Variants in L3MBTL3 observed in about 807,000 individuals in gnomAD.
L3MBTL3 encodes L3MBTL histone methyl-lysine binding protein 3.
L3MBTL3 carries 27 observed loss-of-function variants against 102.3 expected under a neutral mutation model. That is an observed-to-expected ratio of 0.26 (90% CI 0.19 to 0.36). The LOEUF (loss-of-function observed/expected upper bound fraction) is 0.36. Ranked by LOEUF, L3MBTL3 falls within the 10% of genes least tolerant of loss-of-function variation. The pLI, the probability that L3MBTL3 is intolerant of heterozygous loss-of-function variation, is 1.00. For synonymous variants in L3MBTL3, 340 were observed against 320.9 expected (o/e 1.06, Z -0.64); for missense variants, 798 against 955.3 (o/e 0.84, Z 2.17).
intron 2 of L3MBTL3, among the ~76,000 whole-genome samples, chr6:130,039,276 C>T (rs1296380616): frequency 1.3e-5 from 2 of 152,014 alleles, no homozygotes; most frequent in African/African-American, 4.8e-5. Context: ...ATATAAGGAA[C>T]AACTCCTCTT....
chr6:130,092,104 G>T (rs1252411683), intron 16 of L3MBTL3, among the ~76,000 whole-genome samples: 1 of 151,940 alleles, frequency 6.6e-6, no homozygotes, highest in Non-Finnish European at 1.5e-5. Flanking sequence ...ATATCAAAAT[G>T]TCACATGTAC....
intron 22 of L3MBTL3, among the ~76,000 whole-genome samples, chr6:130,135,320 T>C (rs1054614500): frequency 2.0e-5 from 3 of 152,086 alleles, no homozygotes; most frequent in African/African-American, 7.2e-5. Flanking sequence ...CACCTCGGCC[T>C]CCCAAAGTGC....
Position 130,104,480 on chromosome 6 carries a change from A to G in L3MBTL3, c.1791A>G (p.Pro597=). The G allele has an allele frequency of 6.2e-7, 1 of 1,601,064 alleles. No individual in the cohort carries two copies. Among genetic ancestry groups the G allele is most frequent in the Non-Finnish European group, 8.5e-7 (1 of 1,174,048 alleles). The change falls in exon 19 of 23, where the codon CCA becomes CCG. Residue 597 remains proline, a synonymous_variant. Coordinates refer to ENST00000361794, the MANE Select transcript of L3MBTL3 (RefSeq NM_032438.4). ...EINLNKDRIF[P]DRLSGEMPPA... ...ATTTGAATAAAGACCGTATTTTTCC[A>G]GACCGCTTAAGTGGTGAGATGCCTC... is the stretch of plus-strand genomic sequence containing the variant.
chr6:130,091,220 C>T (rs1369699408), intron 16 of L3MBTL3, among the ~76,000 whole-genome samples: 1 of 152,150 alleles, frequency 6.6e-6, no homozygotes, highest in Non-Finnish European at 1.5e-5. Context: ...TAAGTTCATT[C>T]ACACATTCTT....
At chr6:130,090,195 C>T (rs1048351965) in intron 16 of L3MBTL3, among the ~76,000 whole-genome samples, 2 of 138,710 alleles carry the variant, frequency 1.4e-5, no homozygotes, top group East Asian at 3.9e-4. Flanking sequence ...TTATTTTAAG[C>T]ACATATATAT....
At chr6:130,117,005 G>T (rs1785744543) in intron 19 of L3MBTL3, among the ~76,000 whole-genome samples, 6 of 139,214 alleles carry the variant, frequency 4.3e-5, no homozygotes, top group Admixed American at 1.5e-4. Context: ...AAGTTTTAGG[G>T]TACATGTGCA....
chr6:130,119,551 G>A (rs138372065), intron 19 of L3MBTL3, among the ~76,000 whole-genome samples: 9 of 151,994 alleles, frequency 5.9e-5, no homozygotes, highest in African/African-American at 9.6e-5. Flanking sequence ...TGTTTTTACC[G>A]TAGCTTCATC....
intron 15 of L3MBTL3, among the ~76,000 whole-genome samples, chr6:130,084,378 G>A (rs1346310882): frequency 6.6e-6 from 1 of 150,986 alleles, no homozygotes; most frequent in African/African-American, 2.5e-5. Context: ...TTTTAAATGT[G>A]TCATGATGAG....
intron 19 of L3MBTL3, among the ~76,000 whole-genome samples, chr6:130,114,934 G>A (rs971932629): frequency 2.6e-5 from 4 of 151,956 alleles, no homozygotes; most frequent in Non-Finnish European, 5.9e-5. Context: ...TTTGTACGAG[G>A]CATTTTGGAG....
chr6:130,062,933 T>G lies in L3MBTL3; in HGVS notation c.864+2793T>G, dbSNP rs970718207. Among the ~76,000 whole-genome samples the G allele has an allele frequency of 8.6e-5, 13 of 151,924 alleles. 1 individual carries two copies. The highest frequency in any genetic ancestry group is 4.1e-4 in the South Asian group (2 of 4,822). ...AAATCTTTGATGCTTATTGCTCCTTTTCATATTAATTTTCTCTTTTTTCTC... is the reference window on the plus strand; with the variant it reads ...AAATCTTTGATGCTTATTGCTCCTTGTCATATTAATTTTCTCTTTTTTCTC... On this transcript the variant is annotated intron_variant, in intron 10 of 22. Transcript: ENST00000361794.
At chr6:130,079,171 T>C (rs568073701) in intron 14 of L3MBTL3, among the ~76,000 whole-genome samples, 1 of 152,320 alleles carries the variant, frequency 6.6e-6, no homozygotes, top group Admixed American at 6.5e-5. Context: ...AGCACAGTGT[T>C]CACGTTTAAG....
rs1278757879 is a variant in L3MBTL3 at position 130,120,885 on chromosome 6, G to A, written c.1893G>A (p.Gln631=). 6.2e-7 allele frequency: 1 copy of A among 1,610,418 alleles called. No individual in the cohort carries two copies. Residue 631 remains glutamine, a synonymous_variant, in exon 20 of 23, where the codon CAG becomes CAA. Transcript: ENST00000361794. The stretch of plus-strand genomic sequence containing the variant: ...AAATGCCTGTTTTTCTTAGAGACCA[G>A]CATGCTGATGATGTCAAAGAAGACT... ...ESSSSPEIRD[Q]HADDVKEDFE...
intron 19 of L3MBTL3, among the ~76,000 whole-genome samples, chr6:130,110,200 T>G (rs1041288281): frequency 2.0e-5 from 3 of 152,234 alleles, no homozygotes; most frequent in African/African-American, 7.2e-5. Context: ...TGGTTCCATA[T>G]GAAGTTTAAA....
chr6:130,031,696 G>C (rs1779732987), intron 2 of L3MBTL3, among the ~76,000 whole-genome samples: 1 of 152,130 alleles, frequency 6.6e-6, no homozygotes, highest in South Asian at 2.1e-4. Flanking sequence ...GTATCCTCTG[G>C]AAAGAGGGCC....
chr6:130,072,405 C>T (rs1782697352), intron 13 of L3MBTL3, among the ~76,000 whole-genome samples: 1 of 152,182 alleles, frequency 6.6e-6, no homozygotes, highest in African/African-American at 2.4e-5. Flanking sequence ...TTGGTGTCCA[C>T]AGGGGCTTCT....
intron 10 of L3MBTL3, among the ~76,000 whole-genome samples, chr6:130,064,642 T>C (rs1189696779): frequency 6.6e-6 from 1 of 152,066 alleles, no homozygotes; most frequent in Non-Finnish European, 1.5e-5. Context: ...AGAACTGGCC[T>C]AGGATCCATG....
At chr6:130,120,101 G>A (rs988423917) in intron 19 of L3MBTL3, among the ~76,000 whole-genome samples, 1 of 152,178 alleles carries the variant, frequency 6.6e-6, no homozygotes, top group Non-Finnish European at 1.5e-5. Flanking sequence ...AAGCACTAAA[G>A]TGTGTAGGCC....
chr6:130,066,387 G>C lies in L3MBTL3; in HGVS notation c.899G>C (p.Gly300Ala), dbSNP rs775551350. The change falls in exon 11 of 23, where the codon GGG becomes GCG. Residue 300 changes from glycine to alanine, a missense_variant. Physicochemically the swap from Gly to Ala is moderately conservative, Grantham distance 60. Around this residue, in one of 4 missense-constraint regions of L3MBTL3, gnomAD observed 434 missense variants for 506.6 expected, o/e 0.86. Coordinates refer to ENST00000361794, the MANE Select transcript of L3MBTL3 (RefSeq NM_032438.4). ...CGYRIKLHFD[G>A]YSDCYDFWVN... ...TACCGGATAAAGCTTCACTTTGATGGGTATTCTGATTGCTATGACTTCTGG... is the reference window on the plus strand; with the variant it reads ...TACCGGATAAAGCTTCACTTTGATGCGTATTCTGATTGCTATGACTTCTGG... The C allele has an allele frequency of 5.0e-6, 8 of 1,608,678 alleles. No homozygotes were observed. The highest frequency in any genetic ancestry group is 6.8e-6 in the Non-Finnish European group (8 of 1,177,610).
At position 130,078,719 on chromosome 6, in the gene L3MBTL3, A is replaced by G. The variant is rs1584386444; in HGVS notation, c.1321+85A>G. ...TTCTGTAAAGGGCCAGATAGTAAAT[A>G]TTTTGGCTTTGCAGACCATGCAGTT... On this transcript the variant is annotated intron_variant, in intron 14 of 22. Coordinates refer to ENST00000361794, the MANE Select transcript of L3MBTL3 (RefSeq NM_032438.4). 15 of 932,750 alleles carry G rather than the reference A, an allele frequency of 1.6e-5. No individual in the cohort carries two copies. In the East Asian group the frequency reaches 3.8e-4, roughly 24 times the overall value. The allele number at this position is 932,750 out of a possible 1,614,324, so 57.8% of individuals were successfully genotyped here. A position where few individuals can be genotyped will look rare whatever the true frequency, so the allele number is the denominator to read the frequency against.
Sources: gnomAD v4.1 joint callset for allele counts (sites outside exome capture counted in the v4.1 genomes callset) on GRCh38, gnomAD v4.1.1 for gene constraint, gnomAD v4.1.1 regional missense constraint, MANE v1.5 for transcripts, NCBI Gene and HGNC (gene_info 2026-07-23, HGNC 2026-07-21) for gene names.